Variants in LEKR1 observed in about 807,000 individuals in gnomAD.
LEKR1 encodes protein LEKR1.
In LEKR1, 59 loss-of-function variants were observed where a neutral mutation model predicts 72.4. The observed-to-expected ratio is 0.82, with a 90% confidence interval of 0.66 to 1.01. LEKR1 has a LOEUF of 1.01. LEKR1 is among the 50% of genes least tolerant of loss of function. LEKR1 has a pLI of 0.00. For missense variants in LEKR1, 728 were observed against 759.2 expected (o/e 0.96, Z 0.48); for synonymous variants, 257 against 263.2 (o/e 0.98, Z 0.23).
Position 156,871,151 on chromosome 3 carries a change from T to C in LEKR1, c.263+18169T>C, listed in dbSNP as rs920580034. ...TCCCCAGAGTGTGATGTTCCCCTTC[T>C]TGTGTCCATGTGTTCTCATTGTTCA... On this transcript the variant is annotated intron_variant, in intron 3 of 12. Transcript: ENST00000356539. Among the ~76,000 whole-genome samples the C allele has an allele frequency of 2.6e-3, 388 of 151,810 alleles. 1 individual carries two copies. Among genetic ancestry groups the C allele is most frequent in the Non-Finnish European group, 3.7e-3 (250 of 67,868 alleles).
At chr3:156,904,657 A>AAT (rs147716367) in intron 3 of LEKR1, among the ~76,000 whole-genome samples, 12,315 of 144,396 alleles carry the variant, frequency 0.085, 577 homozygotes, top group South Asian at 0.17. Context: ...TCATATAGCA[A>AAT]ATATATATAT....
intron 7 of LEKR1, chr3:156,988,276 C>A: frequency 5.0e-6 from 1 of 201,732 alleles, no homozygotes; most frequent in South Asian, 1.0e-4. Context: ...GGCCTTACAG[C>A]GGTAGATATC....
intron 2 of LEKR1, among the ~76,000 whole-genome samples, chr3:156,838,697 G>A (rs1214846209): frequency 1.3e-5 from 2 of 152,166 alleles, no homozygotes; most frequent in Non-Finnish European, 2.9e-5. Context: ...GGCCTCACTG[G>A]GCAAGGACAG....
intron 7 of LEKR1, among the ~76,000 whole-genome samples, chr3:156,986,243 G>A (rs1730670955): frequency 6.6e-6 from 1 of 152,218 alleles, no homozygotes; most frequent in African/African-American, 2.4e-5. Flanking sequence ...GTTTCCTGAA[G>A]AGTTTCTGAG....
At chr3:156,862,145 T>G (rs1716834612) in intron 3 of LEKR1, among the ~76,000 whole-genome samples, 1 of 152,106 alleles carries the variant, frequency 6.6e-6, no homozygotes. Flanking sequence ...CCTTCGTGTA[T>G]AATTATGATG....
intron 3 of LEKR1, among the ~76,000 whole-genome samples, chr3:156,880,371 C>A (rs1424235531): frequency 6.6e-6 from 1 of 152,166 alleles, no homozygotes; most frequent in East Asian, 1.9e-4. Flanking sequence ...ACTACAAACA[C>A]CTCTACACAA....
chr3:156,829,400 A>G lies in LEKR1; in HGVS notation c.48+23A>G, dbSNP rs1322449616. 2.7e-6 allele frequency: 4 copies of G among 1,498,516 alleles called. No homozygotes were observed. The Admixed American group carries it at 8.2e-5, about 31-fold the overall frequency. The allele number at this position is 1,498,516 out of a possible 1,614,324, so 92.8% of individuals were successfully genotyped here. A position where few individuals can be genotyped will look rare whatever the true frequency, so the allele number is the denominator to read the frequency against. ...AAGGTATGATATATTGTGTTGCTAC[A>G]GCCTAACAGTGGGAACATGTAGCAG... is the stretch of plus-strand genomic sequence containing the variant. On this transcript the variant is annotated intron_variant, in intron 2 of 12. Coordinates refer to ENST00000356539, the MANE Select transcript of LEKR1 (RefSeq NM_001004316.3).
intron 6 of LEKR1, among the ~76,000 whole-genome samples, chr3:156,974,039 A>G (rs183072508): frequency 6.6e-6 from 1 of 152,160 alleles, no homozygotes; most frequent in African/African-American, 2.4e-5. Flanking sequence ...ACTGCAGACA[A>G]ATTGTCCTAT....
At chr3:156,920,008 CT>C (rs1724042547) in intron 3 of LEKR1, among the ~76,000 whole-genome samples, 1 of 152,124 alleles carries the variant, frequency 6.6e-6, no homozygotes, top group Admixed American at 6.6e-5. Context: ...CTTGCTTCCT[CT>C]CTCATCACGT....
chr3:157,002,949 G>T (rs1237290029), intron 9 of LEKR1, among the ~76,000 whole-genome samples: 1 of 152,110 alleles, frequency 6.6e-6, no homozygotes, highest in African/African-American at 2.4e-5. Context: ...ATTTGGAATG[G>T]ATTCTACTTT....
At chr3:157,040,952 C>T (rs182221788) in intron 12 of LEKR1, among the ~76,000 whole-genome samples, 2 of 152,234 alleles carry the variant, frequency 1.3e-5, no homozygotes, top group African/African-American at 4.8e-5. Context: ...TTTAAAGCAA[C>T]CCAGCTGCCT....
chr3:156,899,358 A>G (rs1576774432), intron 3 of LEKR1, among the ~76,000 whole-genome samples: 1 of 129,644 alleles, frequency 7.7e-6, no homozygotes, highest in East Asian at 2.1e-4. Flanking sequence ...ATACATGTAT[A>G]TATACATATA....
intron 9 of LEKR1, 135 bp downstream of exon 9, chr3:156,993,412 G>A (rs1420678377): frequency 9.3e-6 from 5 of 537,564 alleles, no homozygotes; most frequent in Non-Finnish European, 1.3e-5. Flanking sequence ...CTCCTACAAG[G>A]TCATTGCATC....
chr3:157,027,907 G>A (rs757344754), intron 11 of LEKR1, among the ~76,000 whole-genome samples, 196 bp from the exon 12 acceptor site: 4 of 152,142 alleles, frequency 2.6e-5, no homozygotes, highest in Non-Finnish European at 5.9e-5. Context: ...TGATTAATGT[G>A]ATACTGTTTT....
At chr3:156,952,627 C>T (rs1727266739) in intron 6 of LEKR1, among the ~76,000 whole-genome samples, 1 of 151,360 alleles carries the variant, frequency 6.6e-6, no homozygotes, top group African/African-American at 2.4e-5. Flanking sequence ...TAAATTGGTA[C>T]AATTACTCTA....
chr3:156,966,486 G>C (rs773499978), intron 6 of LEKR1, among the ~76,000 whole-genome samples: 1 of 152,204 alleles, frequency 6.6e-6, no homozygotes, highest in Admixed American at 6.5e-5. Flanking sequence ...ATTATATCCC[G>C]CACCGGGCGT....
chr3:156,834,627 A>G lies in LEKR1; in HGVS notation c.48+5250A>G, dbSNP rs2108529093. On this transcript the variant is annotated intron_variant, in intron 2 of 12. Coordinates refer to ENST00000356539, the MANE Select transcript of LEKR1 (RefSeq NM_001004316.3). Reference sequence around the variant, plus strand: ...CATGTATCAGATTGCAGAGCCTAGGACAAGAACAGAGCTTTAGACAGTGTC... The same window carrying G: ...CATGTATCAGATTGCAGAGCCTAGGGCAAGAACAGAGCTTTAGACAGTGTC... Among the ~76,000 whole-genome samples, 4 of 152,330 alleles carry G rather than the reference A, an allele frequency of 2.6e-5. No homozygotes were observed. The South Asian group carries it at 8.3e-4, about 32-fold the overall frequency.
At chr3:156,888,432 ACT>A in intron 3 of LEKR1, 1 of 688,448 alleles carries the variant, frequency 1.5e-6, no homozygotes, top group East Asian at 2.7e-5. Flanking sequence ...TTTCTTAATA[ACT>A]TTGTTTTTGC....
rs139002544 is a variant in LEKR1 at position 156,972,169 on chromosome 3, G to T, written c.746-7025G>T. Among the ~76,000 whole-genome samples, 2,192 of 152,144 alleles carry T rather than the reference G, an allele frequency of 0.014. 98 individuals carry two copies. The East Asian group carries it at 0.16, about 11-fold the overall frequency. On this transcript the variant is annotated intron_variant, in intron 6 of 12. Transcript: ENST00000356539. ...TGGAATACTATGCAGCCATAAAAAA[G>T]GATGAGTTCATGTCCTTTGTAGGTA...
Sources: allele counts gnomAD v4.1 joint callset (sites outside exome capture counted in the v4.1 genomes callset), GRCh38; gene constraint gnomAD v4.1.1; transcripts MANE v1.5; gene names NCBI Gene and HGNC (gene_info 2026-07-23, HGNC 2026-07-21).